SPSB1: variants seen among roughly 807,000 people sequenced by gnomAD.
SPSB1 encodes SPRY domain-containing SOCS box protein 1.
Under a neutral mutation model 21.2 loss-of-function variants are expected in SPSB1, and 8 were observed. That is an observed-to-expected ratio of 0.38 (90% confidence interval 0.22 to 0.68). SPSB1 has a LOEUF of 0.68. Among genes scored for constraint, SPSB1 ranks in the 30% least tolerant of loss-of-function variants. The pLI, the probability that SPSB1 is intolerant of heterozygous loss-of-function variation, is 0.53. For missense variants in SPSB1, 242 were observed against 377.8 expected (o/e 0.64, Z 2.98); for synonymous variants, 169 against 161.7 (o/e 1.05, Z -0.34).
At chr1:9,347,830 G>A (rs967262544) in intron 1 of SPSB1, among the ~76,000 whole-genome samples, 24 of 151,960 alleles carry the variant, frequency 1.6e-4, no homozygotes, top group African/African-American at 4.1e-4. Context: ...GGACTGCCTC[G>A]TTGTACCTGC....
chr1:9,324,945 G>A lies in SPSB1; in HGVS notation c.-149-30798G>A, dbSNP rs542186544. Among the ~76,000 whole-genome samples, 5 of 152,354 alleles carry A rather than the reference G, an allele frequency of 3.3e-5. No individual in the cohort carries two copies. The South Asian group carries it at 8.3e-4, about 25-fold the overall frequency. ...TGGGGGAGCAGGGACACCCGGCCTG[G>A]CGGGCTGGTGGATCGGAGGCGCCTG... is the stretch of plus-strand genomic sequence containing the variant. On this transcript the variant is annotated intron_variant, in intron 1 of 2. Coordinates refer to ENST00000328089, the MANE Select transcript of SPSB1 (RefSeq NM_025106.4). This position sits in a 1 kb window ranked among gnomAD's most constrained non-coding sequence, Gnocchi z 4.3.
At chr1:9,311,420 A>G (rs1639517892) in intron 1 of SPSB1, among the ~76,000 whole-genome samples, 1 of 152,188 alleles carries the variant, frequency 6.6e-6, no homozygotes, top group Non-Finnish European at 1.5e-5. Context: ...CACAGGGCAG[A>G]GTAGAGAGAC....
At chr1:9,336,892 TG>T (rs1041582223) in intron 1 of SPSB1, among the ~76,000 whole-genome samples, 2 of 152,292 alleles carry the variant, frequency 1.3e-5, no homozygotes, top group Non-Finnish European at 2.9e-5. Context: ...CGGGTGAGTT[TG>T]GGGAAGGAGC....
intron 1 of SPSB1, among the ~76,000 whole-genome samples, chr1:9,316,981 C>T (rs1639627481): frequency 6.6e-6 from 1 of 152,222 alleles, no homozygotes; most frequent in Non-Finnish European, 1.5e-5. Flanking sequence ...GTAGCAGGGC[C>T]AGGCCTCACC....
At chr1:9,330,402 T>G (rs1569608786) in intron 1 of SPSB1, among the ~76,000 whole-genome samples, 1 of 151,870 alleles carries the variant, frequency 6.6e-6, no homozygotes, top group African/African-American at 2.4e-5. Context: ...GAGGCGGAGG[T>G]TGCAGTGAGC....
intron 1 of SPSB1, among the ~76,000 whole-genome samples, chr1:9,307,791 G>A (rs1378366494): frequency 6.6e-6 from 1 of 152,206 alleles, no homozygotes; most frequent in Non-Finnish European, 1.5e-5. Context: ...CCTGTTGTCA[G>A]CTCCCTTCTT....
chr1:9,299,636 C>T (rs1163363036), intron 1 of SPSB1, among the ~76,000 whole-genome samples: 4 of 152,090 alleles, frequency 2.6e-5, no homozygotes, highest in Non-Finnish European at 1.5e-5. Flanking sequence ...TGCGCCACCA[C>T]ACCCAGCTAA....
At position 9,292,944 on chromosome 1, in the gene SPSB1, T is replaced by A. The variant is rs984724522; in HGVS notation, c.-277T>A. 1.2e-5 allele frequency: 10 copies of A among 843,890 alleles called. No individual in the cohort carries two copies. The highest frequency in any genetic ancestry group is 1.3e-5 in the Non-Finnish European group (10 of 761,856). The allele number at this position is 843,890 out of a possible 1,614,324, so 52.3% of individuals were successfully genotyped here. On this transcript the variant is annotated 5_prime_UTR_variant, in exon 1 of 3. Coordinates refer to ENST00000328089, the MANE Select transcript of SPSB1 (RefSeq NM_025106.4). The stretch of plus-strand genomic sequence containing the variant: ...TGCGCGCTCGCAGCAGGAACCAGGC[T>A]CCAGGCGCCGGCGCCGGGGCCGGGG...
chr1:9,298,817 CA>C (rs1034992206), intron 1 of SPSB1, among the ~76,000 whole-genome samples: 2 of 152,198 alleles, frequency 1.3e-5, no homozygotes, highest in African/African-American at 4.8e-5. Flanking sequence ...TCAAAGTTGA[CA>C]TACTTAGCAC....
At chr1:9,334,275 G>A (rs1374738575) in intron 1 of SPSB1, among the ~76,000 whole-genome samples, 8 of 151,812 alleles carry the variant, frequency 5.3e-5, no homozygotes, top group South Asian at 2.1e-4. Flanking sequence ...TAGTAGAGAC[G>A]GGATTTCACC....
intron 2 of SPSB1, among the ~76,000 whole-genome samples, chr1:9,357,093 ATGGATGGATGGATGGATGAG>A (rs1227080407): frequency 2.6e-3 from 242 of 92,382 alleles, no homozygotes; most frequent in African/African-American, 8.7e-3. Flanking sequence ...GGGTGGGTGG[ATGGATGGATGGATGGATGAG>A]TGGATGGATG....
At chr1:9,319,370 C>A (rs1639669662) in intron 1 of SPSB1, among the ~76,000 whole-genome samples, 1 of 152,134 alleles carries the variant, frequency 6.6e-6, no homozygotes, top group Non-Finnish European at 1.5e-5. Context: ...CACCCAGCCC[C>A]CACAGGTCAG....
In SPSB1 at chr1:9,355,812, G is replaced by C; in HGVS notation, c.-80G>C. 1.3e-6 allele frequency: 2 copies of C among 1,504,350 alleles called. No individual in the cohort carries two copies. Among genetic ancestry groups the C allele is most frequent in the Non-Finnish European group, 1.8e-6 (2 of 1,127,068 alleles). 93.2% of individuals were successfully genotyped at this position (1,504,350 alleles called of 1,614,324 possible). The stretch of plus-strand genomic sequence containing the variant: ...CTCATTAGGAATTCTGTCTGGCCCC[G>C]ATCAGAATACTGGAGACGAGACCAC... On this transcript the variant is annotated 5_prime_UTR_variant, in exon 2 of 3. Transcript: ENST00000328089.
intron 1 of SPSB1, among the ~76,000 whole-genome samples, chr1:9,334,694 A>ACC (rs1481175464): frequency 6.6e-6 from 1 of 151,290 alleles, no homozygotes; most frequent in Non-Finnish European, 1.5e-5. Flanking sequence ...CCTGGCACTG[A>ACC]CCCCCCATTC....
rs541984907 is a variant in SPSB1, at chr1:9,356,694, A to G, written c.694+109A>G. 6.8e-7 allele frequency: 1 copy of G among 1,463,298 alleles called. No homozygotes were observed. Among genetic ancestry groups the G allele is most frequent in the East Asian group, 2.3e-5 (1 of 42,740 alleles). The allele number at this position is 1,463,298 out of a possible 1,614,324, so 90.6% of individuals were successfully genotyped here. Reference sequence around the variant, plus strand: ...TTGGAACTAGAGTGTTTTGAAGACGATATTCCAGTGTATTCAGACCCTCAG... The same window carrying G: ...TTGGAACTAGAGTGTTTTGAAGACGGTATTCCAGTGTATTCAGACCCTCAG... On this transcript the variant is annotated intron_variant, in intron 2 of 2. Coordinates refer to ENST00000328089, the MANE Select transcript of SPSB1 (RefSeq NM_025106.4). This position sits in a 1 kb window ranked among gnomAD's most constrained non-coding sequence, Gnocchi z 7.4.
chr1:9,366,801 T>C (rs1640579534), intron 2 of SPSB1, among the ~76,000 whole-genome samples: 1 of 152,206 alleles, frequency 6.6e-6, no homozygotes, highest in Admixed American at 6.5e-5. Context: ...CTTGAACTCC[T>C]GGCCTCAAAT....
chr1:9,356,536 C>T lies in SPSB1; in HGVS notation c.645C>T (p.Ala215=), dbSNP rs766176707. Residue 215 remains alanine, a synonymous_variant, in exon 2 of 3, where the codon GCC becomes GCT. Transcript: ENST00000328089. This position sits in a 1 kb window ranked among gnomAD's most constrained non-coding sequence, Gnocchi z 7.4. ...AAAAACTGTATCCTGTAGTGAGTGC[C>T]GTCTGGGGCCACTGTGAGATCCGAA... The part of the protein sequence containing the change: ...KGKKLYPVVS[A]VWGHCEIRMR... 63 of 1,604,882 alleles carry T rather than the reference C, an allele frequency of 3.9e-5. No individual in the cohort carries two copies. The highest frequency in any genetic ancestry group is 5.1e-5 in the Non-Finnish European group (60 of 1,172,756).
intron 1 of SPSB1, among the ~76,000 whole-genome samples, chr1:9,347,943 C>CT (rs57731582): frequency 0.016 from 2,084 of 132,388 alleles, 29 homozygotes; most frequent in South Asian, 0.024. Flanking sequence ...TTCCCTGCAA[C>CT]TTTTTTTTTT....
rs183424636 is a variant in SPSB1 at position 9,305,636 on chromosome 1, G to A, written c.-150+12565G>A. ...ACGGAACTAAACTGCCAGGTGTTCCGTTCTCAGACCAGACTTCCTTCCATG... is the reference window on the plus strand; with the variant it reads ...ACGGAACTAAACTGCCAGGTGTTCCATTCTCAGACCAGACTTCCTTCCATG... On this transcript the variant is annotated intron_variant, in intron 1 of 2. Coordinates refer to ENST00000328089, the MANE Select transcript of SPSB1 (RefSeq NM_025106.4). The surrounding 1 kb of genome is among the most constrained non-coding windows in gnomAD (Gnocchi z 4.8). 6.9e-4 allele frequency among the ~76,000 whole-genome samples: 105 copies of A among 152,294 alleles called. No individual in the cohort carries two copies. Among genetic ancestry groups the A allele is most frequent in the African/African-American group, 2.3e-3 (97 of 41,556 alleles).
Sources: gnomAD v4.1 joint callset for allele counts (sites outside exome capture counted in the v4.1 genomes callset) on GRCh38, gnomAD v4.1.1 for gene constraint, Gnocchi (gnomAD v3.1) non-coding constraint, MANE v1.5 for transcripts, NCBI Gene and HGNC (gene_info 2026-07-23, HGNC 2026-07-21) for gene names.